FSTL5: variants seen among roughly 807,000 people sequenced by gnomAD.
FSTL5 encodes follistatin like 5, also known as follistatin-related protein 5.
A neutral mutation model predicts 89.1 loss-of-function variants in FSTL5; 62 were observed. The observed-to-expected ratio is 0.70, with a 90% CI of 0.57 to 0.86. FSTL5 has a LOEUF of 0.86. Ranked by LOEUF, FSTL5 falls within the 40% of genes least tolerant of loss-of-function variation. The pLI, the probability that FSTL5 is intolerant of heterozygous loss-of-function variation, is 0.00. For missense variants in FSTL5, 1,057 were observed against 1,001.6 expected (o/e 1.06, Z -0.75); for synonymous variants, 383 against 346.2 (o/e 1.11, Z -1.18).
chr4:162,101,193 A>G (rs1046831700), intron 2 of FSTL5, among the ~76,000 whole-genome samples: 2 of 152,194 alleles, frequency 1.3e-5, no homozygotes, highest in African/African-American at 4.8e-5. Context: ...CAAACTTTGC[A>G]TTGGCTCTCC....
chr4:161,428,603 T>C (rs1367216065), intron 15 of FSTL5, among the ~76,000 whole-genome samples: 1 of 152,154 alleles, frequency 6.6e-6, no homozygotes, highest in Non-Finnish European at 1.5e-5. Flanking sequence ...TGGATGACAT[T>C]TCTAGACACA....
chr4:161,929,380 A>G (rs1433154567), intron 3 of FSTL5, among the ~76,000 whole-genome samples: 2 of 151,520 alleles, frequency 1.3e-5, no homozygotes, highest in African/African-American at 4.8e-5. Context: ...GCTTTAAAGT[A>G]CATATTGAAG....
At chr4:161,789,695 T>A (rs1729393955) in intron 4 of FSTL5, among the ~76,000 whole-genome samples, 2 of 152,172 alleles carry the variant, frequency 1.3e-5, no homozygotes, top group African/African-American at 2.4e-5. Context: ...TAGTCATGAT[T>A]TTACCTTAAA....
At chr4:161,678,930 C>A (rs185061469) in intron 6 of FSTL5, among the ~76,000 whole-genome samples, 2 of 151,326 alleles carry the variant, frequency 1.3e-5, no homozygotes, top group African/African-American at 4.8e-5. Flanking sequence ...TATCAAATGG[C>A]GATATCATTA....
chr4:161,615,291 CTCAAAA>C (rs773624995), intron 7 of FSTL5, among the ~76,000 whole-genome samples: 21,449 of 58,244 alleles, frequency 0.37, 1,964 homozygotes, highest in Middle Eastern at 0.48. Flanking sequence ...GAGACTCTGT[CTCAAAA>C]AAAAAAAAAA....
intron 11 of FSTL5, among the ~76,000 whole-genome samples, chr4:161,502,798 A>G (rs1485938575): frequency 6.6e-6 from 1 of 151,812 alleles, no homozygotes; most frequent in Non-Finnish European, 1.5e-5. Context: ...TATTGTGCAC[A>G]TATAAATTTA....
Position 162,112,444 on chromosome 4 carries a change from C to A in FSTL5, c.-16-1032G>T, listed in dbSNP as rs748336870. Among the ~76,000 whole-genome samples, 55 of 152,228 alleles carry A rather than the reference C, an allele frequency of 3.6e-4. 1 individual carries two copies. Among genetic ancestry groups the A allele is most frequent in the South Asian group, 1.2e-3 (6 of 4,828 alleles). ...TTTACTTTTCAGAGACAGGTTCTCA[C>A]TATCTTGTCCAGGCTAGTCTTGAAC... On this transcript the variant is annotated intron_variant, in intron 1 of 15. Transcript: ENST00000306100.
At chr4:162,106,147 C>T (rs73861079) in intron 2 of FSTL5, among the ~76,000 whole-genome samples, 16 of 152,094 alleles carry the variant, frequency 1.1e-4, no homozygotes, top group African/African-American at 3.9e-4. Flanking sequence ...TCATGTACAC[C>T]CTTTGCCCCA....
At chr4:161,995,891 G>A (rs1038019271) in intron 3 of FSTL5, among the ~76,000 whole-genome samples, 1 of 151,376 alleles carries the variant, frequency 6.6e-6, no homozygotes, top group East Asian at 1.9e-4. Context: ...TCACCCATCA[G>A]AAACTTAAAT....
At chr4:162,067,991 G>A (rs1738974160) in intron 2 of FSTL5, among the ~76,000 whole-genome samples, 1 of 151,972 alleles carries the variant, frequency 6.6e-6, no homozygotes, top group East Asian at 1.9e-4. Flanking sequence ...CAGTTAACAA[G>A]GGAAGTGAAG....
At position 162,058,045 on chromosome 4, in the gene FSTL5, T is replaced by G. The variant is rs145978656; in HGVS notation, c.127-24387A>C. ...GAAGGATAGTGTAATATGTTAAAAG[T>G]AAATGTTAGTATCTAATTAATTACA... On this transcript the variant is annotated intron_variant, in intron 2 of 15. Coordinates refer to ENST00000306100, the MANE Select transcript of FSTL5 (RefSeq NM_020116.5). 1.5e-3 allele frequency among the ~76,000 whole-genome samples: 221 copies of G among 152,292 alleles called. 1 individual carries two copies. The highest frequency in any genetic ancestry group is 4.9e-3 in the African/African-American group (205 of 41,568).
chr4:161,798,486 A>G (rs547151432), intron 4 of FSTL5, among the ~76,000 whole-genome samples: 1 of 145,108 alleles, frequency 6.9e-6, no homozygotes, highest in East Asian at 2.0e-4. Flanking sequence ...TTTTTTTTTT[A>G]AAGTATTTAG....
At chr4:162,048,263 G>T (rs1365220997) in intron 2 of FSTL5, among the ~76,000 whole-genome samples, 4 of 152,028 alleles carry the variant, frequency 2.6e-5, no homozygotes, top group Admixed American at 2.6e-4. Flanking sequence ...GGAGGCGGAG[G>T]TTGCAGTGAG....
chr4:161,471,021 T>C (rs2126433774), intron 13 of FSTL5, among the ~76,000 whole-genome samples: 1 of 152,366 alleles, frequency 6.6e-6, no homozygotes, highest in African/African-American at 2.4e-5. Context: ...GATCATGCCA[T>C]CTGCAAATAA....
chr4:161,613,388 T>G (rs1388284991), intron 7 of FSTL5, among the ~76,000 whole-genome samples: 1 of 150,542 alleles, frequency 6.6e-6, no homozygotes, highest in Non-Finnish European at 1.5e-5. Context: ...AGGCGGAGGT[T>G]GCAGGGAGCC....
chr4:161,415,177 C>A (rs1354849434), intron 15 of FSTL5, among the ~76,000 whole-genome samples: 1 of 152,154 alleles, frequency 6.6e-6, no homozygotes, highest in East Asian at 1.9e-4. Context: ...AAATAAGATA[C>A]ATAAATATAT....
rs941739516 is a variant in FSTL5 at position 161,660,046 on chromosome 4, T to C, written c.728-3552A>G. Among the ~76,000 whole-genome samples the C allele has an allele frequency of 3.3e-5, 5 of 152,190 alleles. No homozygotes were observed. The East Asian group carries it at 9.6e-4, about 29-fold the overall frequency. ...TAAGTGTAACATATGGTACCGAGTG[T>C]TTTGACACACTTCAAAAATTCTTTC... On this transcript the variant is annotated intron_variant, in intron 6 of 15. Transcript: ENST00000306100.
intron 4 of FSTL5, among the ~76,000 whole-genome samples, chr4:161,792,298 T>TG (rs1221864985): frequency 1.3e-5 from 2 of 151,864 alleles, no homozygotes; most frequent in East Asian, 1.9e-4. Flanking sequence ...CTGGGAGGGA[T>TG]GGGGGGTTGA....
intron 1 of FSTL5, among the ~76,000 whole-genome samples, chr4:162,162,546 T>C (rs1561053577): frequency 6.6e-6 from 1 of 152,040 alleles, no homozygotes; most frequent in African/African-American, 2.4e-5. Context: ...AGGCAAACCA[T>C]CACACCTGTC....
Sources: allele counts gnomAD v4.1 joint callset (sites outside exome capture counted in the v4.1 genomes callset), GRCh38; gene constraint gnomAD v4.1.1; transcripts MANE v1.5; gene names NCBI Gene and HGNC (gene_info 2026-07-23, HGNC 2026-07-21).